ITGB1: variants seen among roughly 807,000 people sequenced by gnomAD.
ITGB1 encodes the protein integrin subunit beta 1.
ITGB1 carries 24 observed loss-of-function variants against 86.5 expected under a neutral mutation model. The ratio of observed to expected loss-of-function variants is 0.28; its 90% confidence interval spans 0.20 to 0.39. ITGB1 has a LOEUF of 0.39. Among genes scored for constraint, ITGB1 ranks in the 10% least tolerant of loss-of-function variants. The pLI is 1.00. For missense variants in ITGB1, 556 were observed against 946.9 expected (o/e 0.59, Z 5.42); for synonymous variants, 323 against 316.8 (o/e 1.02, Z -0.21).
intron 6 of ITGB1, among the ~76,000 whole-genome samples, chr10:32,924,136 T>C (rs1382659492): frequency 1.3e-5 from 2 of 152,226 alleles, no homozygotes; most frequent in East Asian, 3.9e-4. Flanking sequence ...ATCCTTACTT[T>C]ACCCCACTGC....
intron 15 of ITGB1, among the ~76,000 whole-genome samples, chr10:32,904,111 G>A (rs752402084): frequency 3.3e-5 from 5 of 151,652 alleles, no homozygotes; most frequent in Non-Finnish European, 7.4e-5. Flanking sequence ...CTGTCTTGTC[G>A]TATACACAAA....
At position 32,911,619 on chromosome 10, in the gene ITGB1, C is replaced by T. The variant is rs1456697974; in HGVS notation, c.1760G>A (p.Gly587Asp). 3 of 1,614,018 alleles carry T rather than the reference C, an allele frequency of 1.9e-6. No individual in the cohort carries two copies. The highest frequency in any genetic ancestry group is 2.5e-6 in the Non-Finnish European group (3 of 1,180,030). ...RVCECNPNYT[G>D]SACDCSLDTS... Reference sequence around the variant, plus strand: ...ATCCAAAGAACAGTCACATGCACTGCCAGTGTAGTTGGGGTTGCACTCACA... The same window carrying T: ...ATCCAAAGAACAGTCACATGCACTGTCAGTGTAGTTGGGGTTGCACTCACA... The change falls in exon 13 of 16, where the codon GGC becomes GAC. Residue 587 changes from glycine (G) to aspartate (D), a missense_variant. By Grantham distance (94) the Gly-to-Asp change is moderately conservative. This residue lies in a region of ITGB1 where 330 missense variants were observed against 531.5 expected (regional missense o/e 0.62). Transcript: ENST00000302278.
At chr10:32,938,711 G>GACTGGCGACTGGCGGGGC (rs1453876022) in intron 1 of ITGB1, among the ~76,000 whole-genome samples, 1 of 152,230 alleles carries the variant, frequency 6.6e-6, no homozygotes, top group Non-Finnish European at 1.5e-5. Flanking sequence ...ACGATCCTGC[G>GACTGGCGACTGGCGGGGC]ACTGGCGACT....
intron 1 of ITGB1, among the ~76,000 whole-genome samples, chr10:32,952,177 G>C (rs912977347): frequency 3.3e-5 from 5 of 151,784 alleles, no homozygotes; most frequent in African/African-American, 1.2e-4. Flanking sequence ...GATAAAATAT[G>C]ATCATTATAT....
intron 3 of ITGB1, among the ~76,000 whole-genome samples, chr10:32,931,621 T>G (rs1297954109): frequency 6.6e-6 from 1 of 152,108 alleles, no homozygotes; most frequent in Admixed American, 6.6e-5. Flanking sequence ...AAAACACCAT[T>G]AGAAAATTTT....
chr10:32,949,714 T>C (rs2095038998), intron 1 of ITGB1, among the ~76,000 whole-genome samples: 4 of 152,196 alleles, frequency 2.6e-5, no homozygotes, highest in Admixed American at 2.6e-4. Context: ...TCAAAAATAG[T>C]GCATAATTGT....
At chr10:32,932,807 TG>T (rs2094988180) in intron 2 of ITGB1, 1 of 431,730 alleles carries the variant, frequency 2.3e-6, no homozygotes, top group Non-Finnish European at 4.2e-6. Flanking sequence ...TATACATGTA[TG>T]GGGTACATGA....
intron 9 of ITGB1, 38 bp from the exon 10 acceptor site, chr10:32,920,423 C>T: frequency 2.5e-6 from 4 of 1,592,272 alleles, no homozygotes; most frequent in Non-Finnish European, 3.4e-6. Flanking sequence ...AAAAGTCAAA[C>T]AAAATGCTAC....
intron 11 of ITGB1, among the ~76,000 whole-genome samples, chr10:32,918,811 C>G (rs1008134224): frequency 1.3e-5 from 2 of 151,476 alleles, no homozygotes; most frequent in African/African-American, 4.9e-5. Context: ...TAAACACATG[C>G]AAAAAAGTGT....
At chr10:32,920,525 A>G (rs1372255011) in intron 9 of ITGB1, 140 bp from the exon 10 acceptor site, 2 of 665,022 alleles carry the variant, frequency 3.0e-6, no homozygotes, top group East Asian at 5.4e-5. Flanking sequence ...TAACTAGAAA[A>G]CACAGAGGCC....
At position 32,919,111 on chromosome 10, in the gene ITGB1, AC is replaced by A. The variant is rs552475363; in HGVS notation, c.1469+773del. Reference sequence around the variant, plus strand: ...CAACATGGAAGATAAAGAAACTCTAACATTTAAATTGTTACTTAGCACAGAC... The same window carrying A: ...CAACATGGAAGATAAAGAAACTCTAAATTTAAATTGTTACTTAGCACAGAC... On this transcript the variant is annotated intron_variant, in intron 11 of 15. Transcript: ENST00000302278. Among the ~76,000 whole-genome samples the A allele has an allele frequency of 5.3e-5, 8 of 152,348 alleles. No individual in the cohort carries two copies. In the East Asian group the frequency reaches 9.6e-4, roughly 18 times the overall value.
At chr10:32,922,909 A>G (rs941525667) in intron 7 of ITGB1, among the ~76,000 whole-genome samples, 174 bp from the exon 8 acceptor site, 2 of 152,210 alleles carry the variant, frequency 1.3e-5, no homozygotes, top group African/African-American at 4.8e-5. Context: ...TTGCATACAT[A>G]TAACTAGATT....
At chr10:32,957,550 G>A (rs559415427) in intron 1 of ITGB1, among the ~76,000 whole-genome samples, 112 of 152,280 alleles carry the variant, frequency 7.4e-4, no homozygotes, top group Non-Finnish European at 1.1e-3. Context: ...CTTCTACCCG[G>A]CTCCCGCCGC....
At chr10:32,924,454 G>A (rs1326480277) in intron 6 of ITGB1, among the ~76,000 whole-genome samples, 1 of 152,114 alleles carries the variant, frequency 6.6e-6, no homozygotes, top group Non-Finnish European at 1.5e-5. Context: ...CGTCTGTTTA[G>A]ATCTTCATAA....
At chr10:32,908,090 G>A (rs2094902127) in intron 15 of ITGB1, among the ~76,000 whole-genome samples, 1 of 152,170 alleles carries the variant, frequency 6.6e-6, no homozygotes, top group Non-Finnish European at 1.5e-5. Flanking sequence ...CACATTAGAT[G>A]AAAAGGCAGA....
At chr10:32,913,870 T>A (rs1456855153) in intron 11 of ITGB1, among the ~76,000 whole-genome samples, 1 of 152,122 alleles carries the variant, frequency 6.6e-6, no homozygotes, top group East Asian at 1.9e-4. Context: ...ATTGTCAGAT[T>A]CACCAAAGTT....
At chr10:32,950,593 T>C (rs980573541) in intron 1 of ITGB1, among the ~76,000 whole-genome samples, 2 of 152,030 alleles carry the variant, frequency 1.3e-5, no homozygotes, top group East Asian at 3.9e-4. Context: ...GAGAAGAGGC[T>C]AAGGGATCCC....
At chr10:32,932,240 T>C (rs181965765) in intron 3 of ITGB1, among the ~76,000 whole-genome samples, 44 of 152,246 alleles carry the variant, frequency 2.9e-4, no homozygotes, top group Middle Eastern at 3.4e-3. Context: ...TTTTTAAATA[T>C]ACAAAAATTA....
At chr10:32,940,074 G>A (rs1004584078) in intron 1 of ITGB1, among the ~76,000 whole-genome samples, 4 of 152,132 alleles carry the variant, frequency 2.6e-5, no homozygotes, top group Admixed American at 6.5e-5. Flanking sequence ...GGCTGGGGGC[G>A]GTGGCTCACG....
Sources: gnomAD v4.1 joint callset for allele counts (sites outside exome capture counted in the v4.1 genomes callset) on GRCh38, gnomAD v4.1.1 for gene constraint, gnomAD v4.1.1 regional missense constraint, MANE v1.5 for transcripts, NCBI Gene and HGNC (gene_info 2026-07-23, HGNC 2026-07-21) for gene names.